The following RYR1 variants were observed in gnomAD, a reference collection of about 807,000 sequenced individuals.
RYR1 encodes the protein ryanodine receptor 1, also known as central core disease of muscle.
Under a neutral mutation model 583.5 loss-of-function variants are expected in RYR1, and 342 were observed. The observed-to-expected ratio is 0.59, with a 90% confidence interval of 0.54 to 0.64. The LOEUF is 0.64. RYR1 is among the 30% of genes least tolerant of loss of function. The pLI, the probability that RYR1 is intolerant of heterozygous loss-of-function variation, is 0.00. For missense variants in RYR1, 6,032 were observed against 6,917.2 expected (o/e 0.87, Z 4.54); for synonymous variants, 2,791 against 2,822.5 (o/e 0.99, Z 0.35).
chr19:38,490,365 C>T, intron 36 of RYR1, 89 bp downstream of exon 36: 1 of 1,303,958 alleles, frequency 7.7e-7, no homozygotes, highest in Non-Finnish European at 1.1e-6. Flanking sequence ...CCCTCAACCT[C>T]TAAACCCGTG....
At chr19:38,533,676 C>T (rs1971837425) in intron 78 of RYR1, among the ~76,000 whole-genome samples, 1 of 151,546 alleles carries the variant, frequency 6.6e-6, no homozygotes. Flanking sequence ...CCTGTAATCC[C>T]AGCTACTCAG....
intron 20 of RYR1, among the ~76,000 whole-genome samples, chr19:38,462,357 G>A (rs1379363984): frequency 6.6e-6 from 1 of 152,152 alleles, no homozygotes; most frequent in Non-Finnish European, 1.5e-5. Context: ...ATTATTAGTA[G>A]CAGTGATATC....
intron 57 of RYR1, among the ~76,000 whole-genome samples, chr19:38,507,419 T>C (rs1430801192): frequency 8.5e-6 from 1 of 117,788 alleles, no homozygotes; most frequent in African/African-American, 3.4e-5. Context: ...GACTGGTGAG[T>C]GGAGGCGGGA....
intron 67 of RYR1, among the ~76,000 whole-genome samples, chr19:38,521,546 C>T (rs1600905634): frequency 6.7e-6 from 1 of 150,348 alleles, no homozygotes; most frequent in African/African-American, 2.4e-5. Context: ...ATTAGCCGGG[C>T]GTGGTGGCGC....
In RYR1 at chr19:38,565,035, T is replaced by TGAGTTTCTGCGA. The variant is rs1286564872; in HGVS notation, c.12703_12714dup (p.Ser4235_Glu4238dup). 2 of 1,583,250 alleles carry TGAGTTTCTGCGA rather than the reference T, an allele frequency of 1.3e-6. No homozygotes were observed. ...GAGGCTGAGAAGATGGAGCTCTTCG[T>TGAGTTTCTGCGA]GAGTTTCTGCGAGGACACCATCTTC... On this transcript the variant is annotated inframe_insertion, in exon 91 of 106. Transcript: ENST00000359596. This position sits in a 1 kb window ranked among gnomAD's most constrained non-coding sequence, Gnocchi z 4.7.
chr19:38,576,081 T>C lies in RYR1; in HGVS notation c.14172+120T>C, dbSNP rs1438775401. The C allele has an allele frequency of 4.6e-6, 5 of 1,080,320 alleles. No individual in the cohort carries two copies. In the Admixed American group the frequency reaches 5.2e-5, roughly 11 times the overall value. 66.9% of individuals were successfully genotyped at this position (1,080,320 alleles called of 1,614,324 possible). On this transcript the variant is annotated intron_variant, in intron 97 of 105. Coordinates refer to ENST00000359596, the MANE Select transcript of RYR1 (RefSeq NM_000540.3). ...TGGGCAAGAGGTTTTTTTGCCTTTC[T>C]GAGTAGCACCTCAGTTTCCCCATGG...
In RYR1 at chr19:38,443,639, G is replaced by A. The variant is rs1214845980; in HGVS notation, c.345+7G>A. On this transcript the variant is annotated splice_region_variant and intron_variant, in intron 4 of 105. Coordinates refer to ENST00000359596, the MANE Select transcript of RYR1 (RefSeq NM_000540.3). ...GCATGCACACAGCCGCATGGTGAGT[G>A]CAACCTCGGTGGGCGTGGGCAGGGG... is the stretch of plus-strand genomic sequence containing the variant. The A allele has an allele frequency of 6.2e-7, 1 of 1,614,104 alleles. No homozygotes were observed. The highest frequency in any genetic ancestry group is 2.2e-5 in the East Asian group (1 of 44,874).
chr19:38,458,581 A>G (rs952503820), intron 18 of RYR1, among the ~76,000 whole-genome samples: 1 of 152,102 alleles, frequency 6.6e-6, no homozygotes, highest in Admixed American at 6.6e-5. Context: ...TTTGACTTCT[A>G]ACCCCAGGAG....
chr19:38,553,334 CA>C (rs566497167), intron 89 of RYR1, among the ~76,000 whole-genome samples: 2,591 of 80,916 alleles, frequency 0.032, 33 homozygotes, highest in East Asian at 0.11. Flanking sequence ...GACTCCATAT[CA>C]AAAAAAAAAA....
At chr19:38,586,488 G>C (rs760736111) in intron 104 of RYR1, 37 bp from the exon 105 acceptor site, 2 of 1,586,560 alleles carry the variant, frequency 1.3e-6, no homozygotes. Context: ...AGGTAAGGGT[G>C]GTTCTGACTT....
Position 38,499,383 on chromosome 19 carries a change from G to T in RYR1, c.7027+140G>T. The T allele has an allele frequency of 7.1e-7, 1 of 1,414,628 alleles. No homozygotes were observed. The highest frequency in any genetic ancestry group is 9.9e-7 in the Non-Finnish European group (1 of 1,014,638). 87.6% of individuals were successfully genotyped at this position (1,414,628 alleles called of 1,614,324 possible). ...TCCAGCAGGCCTGGGGCTGGCAGGG[G>T]CCTGTGTTACCCCTGGAGGTGTTGG... On this transcript the variant is annotated intron_variant, in intron 43 of 105. Transcript: ENST00000359596. This position sits in a 1 kb window ranked among gnomAD's most constrained non-coding sequence, Gnocchi z 7.3.
At chr19:38,472,393 G>A (rs960197284) in intron 27 of RYR1, among the ~76,000 whole-genome samples, 1 of 152,110 alleles carries the variant, frequency 6.6e-6, no homozygotes, top group East Asian at 1.9e-4. Flanking sequence ...GAGCCACTGC[G>A]CCCTGTCGCT....
Position 38,537,895 on chromosome 19 carries a change from C to T in RYR1, c.11624C>T (p.Ala3875Val), listed in dbSNP as rs1189162394. Residue 3875 changes from alanine to valine, a missense_variant, in exon 84 of 106, where the codon GCG (alanine) becomes GTG (valine). Physicochemically the swap from Ala to Val is moderately conservative, Grantham distance 64. This residue lies in a region of RYR1 where 1,493 missense variants were observed against 1,715.5 expected (regional missense o/e 0.87). Coordinates refer to ENST00000359596, the MANE Select transcript of RYR1 (RefSeq NM_000540.3). Reference protein sequence around the residue: ...INRQNGEKVMADDEFTQDLFR... With the variant: ...INRQNGEKVMVDDEFTQDLFR... ...TTCCACCTAGGAGAGAAGGTCATGGCGGATGATGAATTCACACAAGACCTG... is the reference window on the plus strand; with the variant it reads ...TTCCACCTAGGAGAGAAGGTCATGGTGGATGATGAATTCACACAAGACCTG... 6 of 1,584,100 alleles carry T rather than the reference C, an allele frequency of 3.8e-6. No homozygotes were observed. Among genetic ancestry groups the T allele is most frequent in the South Asian group, 1.1e-5 (1 of 90,688 alleles).
chr19:38,517,813 T>C lies in RYR1; in HGVS notation c.10018+122T>C, dbSNP rs1971044538. ...TGGGAGGAGTCAGAGTGTAGGTTTTTTCAGCATCAAAAGACCAGGGGTCAG... is the reference window on the plus strand; with the variant it reads ...TGGGAGGAGTCAGAGTGTAGGTTTTCTCAGCATCAAAAGACCAGGGGTCAG... On this transcript the variant is annotated intron_variant, in intron 66 of 105. Transcript: ENST00000359596. 4.2e-6 allele frequency: 4 copies of C among 947,640 alleles called. No individual in the cohort carries two copies. In the Admixed American group the frequency reaches 6.8e-5, roughly 16 times the overall value. 58.7% of individuals were successfully genotyped at this position (947,640 alleles called of 1,614,324 possible).
At chr19:38,548,551 A>T (rs912702523) in intron 89 of RYR1, 131 bp downstream of exon 89, 6 of 825,088 alleles carry the variant, frequency 7.3e-6, no homozygotes, top group African/African-American at 3.4e-5. Context: ...TAAAATGAGG[A>T]TAAAACAGTC....
In RYR1 at chr19:38,500,323, A is replaced by G. The variant is rs909789970; in HGVS notation, c.7324-283A>G. On this transcript the variant is annotated intron_variant, in intron 45 of 105. Coordinates refer to ENST00000359596, the MANE Select transcript of RYR1 (RefSeq NM_000540.3). This position sits in a 1 kb window ranked among gnomAD's most constrained non-coding sequence, Gnocchi z 5.9. Reference sequence around the variant, plus strand: ...GACTCAGGATGGGGATGGGGAACACAGGGAGAGGGGTCAGGATGGGGATGG... The same window carrying G: ...GACTCAGGATGGGGATGGGGAACACGGGGAGAGGGGTCAGGATGGGGATGG... Among the ~76,000 whole-genome samples the G allele has an allele frequency of 1.1e-5, 1 of 94,912 alleles. No individual in the cohort carries two copies. The highest frequency in any genetic ancestry group is 4.1e-5 in the African/African-American group (1 of 24,532). 62.3% of individuals were successfully genotyped at this position (94,912 alleles called of 152,430 possible).
intron 77 of RYR1, 43 bp from the exon 78 acceptor site, chr19:38,532,628 G>A (rs934635225): frequency 6.2e-7 from 1 of 1,613,794 alleles, no homozygotes; most frequent in African/African-American, 1.3e-5. Context: ...GCGGGATGGA[G>A]GGGTCTGCTT....
rs113238163 is a variant in RYR1, at chr19:38,487,665, G to A, written c.5547+1463G>A. Among the ~76,000 whole-genome samples the A allele has an allele frequency of 3.0e-4, 45 of 152,224 alleles. 4 individuals carry two copies. The highest frequency in any genetic ancestry group is 1.0e-3 in the African/African-American group (43 of 41,520). On this transcript the variant is annotated intron_variant, in intron 34 of 105. Transcript: ENST00000359596. ...CCGTGTCCAGGCAAGACAGGGTCTC[G>A]CTCTGTCACCCAGGCTGGAGTGCAA...
intron 74 of RYR1, 44 bp from the exon 75 acceptor site, chr19:38,528,555 C>A: frequency 6.2e-7 from 1 of 1,608,210 alleles, no homozygotes; most frequent in Non-Finnish European, 8.5e-7. Context: ...TCGGGAAGCA[C>A]GGAGGAGGGC....
Sources: allele counts gnomAD v4.1 joint callset (sites outside exome capture counted in the v4.1 genomes callset), GRCh38; gene constraint gnomAD v4.1.1; regional missense constraint gnomAD v4.1.1; non-coding constraint Gnocchi (gnomAD v3.1); transcripts MANE v1.5; gene names NCBI Gene and HGNC (gene_info 2026-07-23, HGNC 2026-07-21).